The following HCK variants were observed in gnomAD, a reference collection of about 807,000 sequenced individuals.
HCK encodes the protein tyrosine-protein kinase HCK.
HCK carries 40 observed loss-of-function variants against 70.4 expected under a neutral mutation model. The observed-to-expected ratio is 0.57, with a 90% CI of 0.44 to 0.74. The LOEUF (loss-of-function observed/expected upper bound fraction) is 0.74, where lower values mean the gene tolerates loss of function less well. Ranked by LOEUF, HCK falls within the 30% of genes least tolerant of loss-of-function variation. The pLI, the probability that HCK is intolerant of heterozygous loss-of-function variation, is 0.00. For missense variants in HCK, 568 were observed against 697.2 expected (o/e 0.81, Z 2.09); for synonymous variants, 245 against 263.2 (o/e 0.93, Z 0.67).
intron 1 of HCK, chr20:32,054,285 C>T (rs1249174025): frequency 6.6e-6 from 3 of 455,836 alleles, no homozygotes; most frequent in Admixed American, 2.4e-5. Context: ...TATAAATGTA[C>T]GCATAAACAA....
At chr20:32,094,973 T>C (rs2045935841) in intron 11 of HCK, among the ~76,000 whole-genome samples, 1 of 152,190 alleles carries the variant, frequency 6.6e-6, no homozygotes, top group Non-Finnish European at 1.5e-5. Flanking sequence ...GGTTTCGTTT[T>C]TGTGAAATTC....
Position 32,080,045 on chromosome 20 carries a change from G to A in HCK, c.532+168G>A, listed in dbSNP as rs150515325. 3.9e-4 allele frequency among the ~76,000 whole-genome samples: 60 copies of A among 152,338 alleles called. No homozygotes were observed. The East Asian group carries it at 9.5e-3, about 24-fold the overall frequency. ...GCCACCTGAGCTGGGGAGGGTTGAG[G>A]CTCTGTGCCTGGCTCTGCCCTTCTT... On this transcript the variant is annotated intron_variant, in intron 6 of 12. Transcript: ENST00000375852.
intron 11 of HCK, among the ~76,000 whole-genome samples, chr20:32,097,301 C>T (rs1052572857): frequency 6.6e-6 from 1 of 151,800 alleles, no homozygotes; most frequent in African/African-American, 2.4e-5. Context: ...TAAATAGGGC[C>T]GGGCACGTTG....
intron 8 of HCK, among the ~76,000 whole-genome samples, chr20:32,085,238 C>A (rs1179212983): frequency 6.6e-6 from 1 of 152,212 alleles, no homozygotes; most frequent in East Asian, 1.9e-4. Context: ...CAAGGCCGGG[C>A]ACAGTGGCTC....
At chr20:32,064,544 G>A (rs1331847304) in intron 1 of HCK, among the ~76,000 whole-genome samples, 1 of 152,216 alleles carries the variant, frequency 6.6e-6, no homozygotes, top group Non-Finnish European at 1.5e-5. Context: ...TGGAGAAACT[G>A]AGGCTCAGAG....
At chr20:32,059,345 TC>T (rs1269953810) in intron 1 of HCK, among the ~76,000 whole-genome samples, 1 of 147,448 alleles carries the variant, frequency 6.8e-6, no homozygotes, top group Non-Finnish European at 1.5e-5. Context: ...CTTCTTTCCT[TC>T]CCCCCTTCTC....
At chr20:32,073,219 C>T in intron 2 of HCK, 100 bp from the exon 3 acceptor site, 1 of 974,838 alleles carries the variant, frequency 1.0e-6, no homozygotes, top group Non-Finnish European at 1.6e-6. Context: ...ACATGCAGGG[C>T]TAGGGTAAGA....
chr20:32,087,967 G>A (rs1322010090), intron 9 of HCK, among the ~76,000 whole-genome samples: 3 of 152,228 alleles, frequency 2.0e-5, no homozygotes, highest in African/African-American at 7.2e-5. Context: ...TAGAGACAAG[G>A]TCTCGCCATC....
chr20:32,076,850 C>T (rs1477023150), intron 5 of HCK, among the ~76,000 whole-genome samples: 1 of 152,076 alleles, frequency 6.6e-6, no homozygotes, highest in African/African-American at 2.4e-5. Flanking sequence ...CTTTGGGAAG[C>T]CGAGGGAGGT....
intron 1 of HCK, 137 bp from the exon 2 acceptor site, chr20:32,071,525 A>C (rs1003018003): frequency 1.9e-6 from 2 of 1,050,538 alleles, no homozygotes; most frequent in Non-Finnish European, 2.8e-6. Context: ...GGGTGCATGG[A>C]GCTGGCAGGG....
intron 2 of HCK, 66 bp from the exon 3 acceptor site, chr20:32,073,253 A>T: frequency 1.4e-6 from 2 of 1,406,012 alleles, no homozygotes; most frequent in African/African-American, 1.4e-5. Context: ...CCTTCTCAAC[A>T]CAGACCTTCC....
intron 11 of HCK, among the ~76,000 whole-genome samples, chr20:32,094,795 A>AAGAAGGAAAGAAAGAAAGAGAGAGAAAG (rs2045926200): frequency 1.7e-4 from 4 of 22,988 alleles, no homozygotes; most frequent in Admixed American, 4.9e-4. Flanking sequence ...AAGAGAAAGA[A>AAGAAGGAAAGAAAGAAAGAGAGAGAAAG]AGAAAGAAAG....
In HCK at chr20:32,099,350, C is replaced by CTTTTTTTTTTTTTTTTTT. The variant is rs71336559; in HGVS notation, c.1378+223_1378+240dup. ...CCTTCCTTCTCTCTCACTCCTATGA[C>CTTTTTTTTTTTTTTTTTT]TTTTTTTTTTTTTTTTTTTTTTTTT... On this transcript the variant is annotated intron_variant, in intron 12 of 12. Transcript: ENST00000375852. Among the ~76,000 whole-genome samples, 23 of 85,172 alleles carry CTTTTTTTTTTTTTTTTTT rather than the reference C, an allele frequency of 2.7e-4. 2 individuals carry two copies. The highest frequency in any genetic ancestry group is 1.5e-3 in the African/African-American group (23 of 15,518). The allele number at this position is 85,172 out of a possible 152,430, so 55.9% of individuals were successfully genotyped here. A position where few individuals can be genotyped will look rare whatever the true frequency, so the allele number is the denominator to read the frequency against.
chr20:32,059,301 C>G (rs80029162), intron 1 of HCK, among the ~76,000 whole-genome samples: 1 of 47,012 alleles, frequency 2.1e-5, no homozygotes, highest in Non-Finnish European at 3.9e-5. Context: ...CCTTCCCTCC[C>G]TCCCTCCTTT....
At chr20:32,084,244 ACT>A in intron 7 of HCK, 145 bp from the exon 8 acceptor site, 2 of 1,056,338 alleles carry the variant, frequency 1.9e-6, no homozygotes, top group South Asian at 1.6e-5. Flanking sequence ...ACCCCGTCAC[ACT>A]CTGCTTGCTT....
At chr20:32,066,928 TCG>T (rs1211657782) in intron 1 of HCK, among the ~76,000 whole-genome samples, 1 of 152,210 alleles carries the variant, frequency 6.6e-6, no homozygotes. Context: ...TTTTTGGAAG[TCG>T]GTTCTTCTTT....
At chr20:32,096,981 C>A (rs868497991) in intron 11 of HCK, among the ~76,000 whole-genome samples, 3 of 151,764 alleles carry the variant, frequency 2.0e-5, no homozygotes, top group African/African-American at 7.3e-5. Flanking sequence ...CGTTATAACT[C>A]GATTAAAAAA....
intron 1 of HCK, among the ~76,000 whole-genome samples, chr20:32,064,304 G>A (rs1367422672): frequency 1.3e-5 from 2 of 152,088 alleles, no homozygotes; most frequent in African/African-American, 2.4e-5. Flanking sequence ...ACCCATCTCT[G>A]CTTCTATTAC....
chr20:32,097,228 C>A (rs1407311961), intron 11 of HCK, among the ~76,000 whole-genome samples: 1 of 151,756 alleles, frequency 6.6e-6, no homozygotes, highest in Non-Finnish European at 1.5e-5. Context: ...TGCAGTGAGC[C>A]AAGATCATGT....
Sources: gnomAD v4.1 joint callset for allele counts (sites outside exome capture counted in the v4.1 genomes callset) on GRCh38, gnomAD v4.1.1 for gene constraint, MANE v1.5 for transcripts, NCBI Gene and HGNC (gene_info 2026-07-23, HGNC 2026-07-21) for gene names.